The following TMEM132D variants were observed in gnomAD, a reference collection of about 807,000 sequenced individuals.
The protein encoded by TMEM132D is mature OL transmembrane protein.
TMEM132D carries 21 observed loss-of-function variants against 62.3 expected under a neutral mutation model. The ratio of observed to expected loss-of-function variants is 0.34; its 90% CI spans 0.24 to 0.49. The LOEUF (loss-of-function observed/expected upper bound fraction) is 0.49, where lower values mean the gene tolerates loss of function less well. Among genes scored for constraint, TMEM132D ranks in the 20% least tolerant of loss-of-function variants. TMEM132D has a pLI of 0.99. For synonymous variants in TMEM132D, 621 were observed against 575.6 expected (o/e 1.08, Z -1.13); for missense variants, 1,346 against 1,402.8 (o/e 0.96, Z 0.65).
chr12:129,470,565 C>T (rs1874065071), intron 3 of TMEM132D, among the ~76,000 whole-genome samples: 1 of 152,172 alleles, frequency 6.6e-6, no homozygotes, highest in Admixed American at 6.5e-5. Flanking sequence ...GAGGACATCG[C>T]TGCTTGCACA....
intron 1 of TMEM132D, among the ~76,000 whole-genome samples, chr12:129,841,348 C>T (rs1411576554): frequency 6.6e-6 from 1 of 152,060 alleles, no homozygotes; most frequent in Non-Finnish European, 1.5e-5. Context: ...TAGGTGGTTG[C>T]TTCCAAGCCC....
chr12:129,831,025 AG>A (rs1235607549), intron 1 of TMEM132D, among the ~76,000 whole-genome samples: 2 of 152,122 alleles, frequency 1.3e-5, no homozygotes, highest in Non-Finnish European at 2.9e-5. Context: ...CTCCACCCAC[AG>A]GCAGGCTCTC....
chr12:129,181,435 G>A (rs959755286), intron 5 of TMEM132D, among the ~76,000 whole-genome samples: 10 of 152,182 alleles, frequency 6.6e-5, no homozygotes, highest in African/African-American at 2.4e-4. Context: ...TCCTCCAACA[G>A]CAGAGAGACT....
chr12:129,206,807 A>G (rs1274763574), intron 5 of TMEM132D, among the ~76,000 whole-genome samples: 1 of 152,218 alleles, frequency 6.6e-6, no homozygotes, highest in Admixed American at 6.5e-5. Flanking sequence ...TTGCAGGGAC[A>G]TGGATGGAGC....
At chr12:129,328,449 G>A (rs1868991123) in intron 4 of TMEM132D, among the ~76,000 whole-genome samples, 2 of 152,172 alleles carry the variant, frequency 1.3e-5, no homozygotes, top group African/African-American at 2.4e-5. Flanking sequence ...ATAACCACAC[G>A]GTGAGCAACA....
intron 5 of TMEM132D, among the ~76,000 whole-genome samples, chr12:129,185,773 G>GTCTGTCTGTCTGTCTATCTATCTATCTA (rs796145548): frequency 5.1e-4 from 70 of 136,016 alleles, no homozygotes; most frequent in Non-Finnish European, 6.7e-4. Flanking sequence ...CTGTCTGTCT[G>GTCTGTCTGTCTGTCTATCTATCTATCTA]TCTATCTATC....
At chr12:129,485,749 T>A (rs1388099273) in intron 3 of TMEM132D, among the ~76,000 whole-genome samples, 1 of 152,218 alleles carries the variant, frequency 6.6e-6, no homozygotes, top group Non-Finnish European at 1.5e-5. Context: ...CTGGTTCTTC[T>A]GGGGCCAGCA....
chr12:129,809,889 G>T (rs1050240174), intron 1 of TMEM132D, among the ~76,000 whole-genome samples: 8 of 152,082 alleles, frequency 5.3e-5, no homozygotes, highest in African/African-American at 1.9e-4. Flanking sequence ...CTGGAGAAAA[G>T]AAATATTTCT....
intron 4 of TMEM132D, among the ~76,000 whole-genome samples, chr12:129,222,494 G>A (rs1879375832): frequency 6.6e-6 from 1 of 151,966 alleles, no homozygotes. Context: ...TTTTGATATA[G>A]CAGTTTTAGA....
chr12:129,356,949 G>A, intron 3 of TMEM132D, among the ~76,000 whole-genome samples: 1 of 146,488 alleles, frequency 6.8e-6, no homozygotes, highest in South Asian at 2.3e-4. Flanking sequence ...GGGGAGGGGA[G>A]GGGAGGGGAG....
At position 129,846,151 on chromosome 12, in the gene TMEM132D, G is replaced by C. The variant is rs533198220; in HGVS notation, c.79+57110C>G. 3.9e-5 allele frequency among the ~76,000 whole-genome samples: 6 copies of C among 152,290 alleles called. No individual in the cohort carries two copies. In the South Asian group the frequency reaches 1.2e-3, roughly 32 times the overall value. The stretch of plus-strand genomic sequence containing the variant: ...GCCCAAGCCCCACTTCTGGAGTCAA[G>C]TCTCACCTCCTACCTCAAACTGACC... On this transcript the variant is annotated intron_variant, in intron 1 of 8. Transcript: ENST00000422113.
At chr12:129,269,577 G>C (rs935341978) in intron 4 of TMEM132D, among the ~76,000 whole-genome samples, 4 of 152,180 alleles carry the variant, frequency 2.6e-5, no homozygotes, top group Non-Finnish European at 4.4e-5. Context: ...TGTGAGGTAC[G>C]TTCACGGAGG....
chr12:129,785,550 A>G (rs1871229269), intron 1 of TMEM132D, among the ~76,000 whole-genome samples: 1 of 152,224 alleles, frequency 6.6e-6, no homozygotes, highest in South Asian at 2.1e-4. Flanking sequence ...CATTGTATGC[A>G]CTAAACCAAG....
chr12:129,843,192 A>C (rs760158266), intron 1 of TMEM132D, among the ~76,000 whole-genome samples: 15 of 152,194 alleles, frequency 9.9e-5, no homozygotes, highest in Non-Finnish European at 2.1e-4. Flanking sequence ...TTGAAGGAGA[A>C]TCTCCAGTGT....
chr12:129,350,797 A>G (rs1267793469), intron 3 of TMEM132D, among the ~76,000 whole-genome samples: 1 of 152,200 alleles, frequency 6.6e-6, no homozygotes, highest in Non-Finnish European at 1.5e-5. Flanking sequence ...TTTCCCATGT[A>G]TCATAGCCAC....
intron 2 of TMEM132D, among the ~76,000 whole-genome samples, chr12:129,660,021 G>A (rs1200128297): frequency 6.6e-6 from 1 of 152,180 alleles, no homozygotes; most frequent in Non-Finnish European, 1.5e-5. Flanking sequence ...TTATTGCTGG[G>A]TCATGGTTTT....
At chr12:129,083,347 ACACT>A (rs929830728) in intron 6 of TMEM132D, among the ~76,000 whole-genome samples, 2 of 152,128 alleles carry the variant, frequency 1.3e-5, no homozygotes, top group Non-Finnish European at 2.9e-5. Context: ...GTTCCCTCTC[ACACT>A]CACTCCACTG....
chr12:129,332,118 C>T (rs928287416), intron 4 of TMEM132D, among the ~76,000 whole-genome samples: 3 of 152,182 alleles, frequency 2.0e-5, no homozygotes, highest in Non-Finnish European at 4.4e-5. Flanking sequence ...CAGACACTAA[C>T]GTGGTTACAG....
chr12:129,233,349 C>T (rs1220615570), intron 4 of TMEM132D, among the ~76,000 whole-genome samples: 1 of 152,096 alleles, frequency 6.6e-6, no homozygotes, highest in Non-Finnish European at 1.5e-5. Context: ...GTTTCTTTCC[C>T]TGAGTTATTC....
Sources: allele counts gnomAD v4.1 joint callset (sites outside exome capture counted in the v4.1 genomes callset), GRCh38; gene constraint gnomAD v4.1.1; transcripts MANE v1.5; gene names NCBI Gene and HGNC (gene_info 2026-07-23, HGNC 2026-07-21).